SPPL3: variants seen among roughly 807,000 people sequenced by gnomAD.
The protein encoded by SPPL3 is signal peptide peptidase-like 3.
Under a neutral mutation model 42.4 loss-of-function variants are expected in SPPL3, and 5 were observed. That is an observed-to-expected ratio of 0.12 (90% CI 0.06 to 0.25). The LOEUF is 0.25. SPPL3 is among the 10% of genes least tolerant of loss of function. The probability of loss-of-function intolerance (pLI) is 1.00; values close to 1 mark genes in which losing one functional copy is unlikely to be tolerated. For synonymous variants in SPPL3, 195 were observed against 181.8 expected (o/e 1.07, Z -0.58); for missense variants, 235 against 489.0 (o/e 0.48, Z 4.90).
chr12:120,813,552 C>G (rs1870761845), intron 1 of SPPL3, among the ~76,000 whole-genome samples: 1 of 151,932 alleles, frequency 6.6e-6, no homozygotes, highest in South Asian at 2.1e-4. Flanking sequence ...AACTCGTGAC[C>G]TCAAGTGATC....
At chr12:120,863,886 C>T (rs988132949) in intron 1 of SPPL3, among the ~76,000 whole-genome samples, 1 of 151,180 alleles carries the variant, frequency 6.6e-6, no homozygotes, top group African/African-American at 2.4e-5. Context: ...GCTTGCTGCC[C>T]AGGCTGGTTT....
intron 1 of SPPL3, among the ~76,000 whole-genome samples, chr12:120,893,902 C>T (rs1566072032): frequency 6.6e-6 from 1 of 152,300 alleles, no homozygotes; most frequent in East Asian, 1.9e-4. Context: ...CAACTAGTTC[C>T]AGCCAGCCTA....
chr12:120,854,930 A>C (rs1214810596), intron 1 of SPPL3, among the ~76,000 whole-genome samples: 1 of 152,204 alleles, frequency 6.6e-6, no homozygotes, highest in Non-Finnish European at 1.5e-5. Context: ...CACTATTTGG[A>C]CCAAAGAACA....
chr12:120,903,962 G>A lies in SPPL3; in HGVS notation c.-95C>T. On this transcript the variant is annotated 5_prime_UTR_variant, in exon 1 of 11. Coordinates refer to ENST00000353487, the MANE Select transcript of SPPL3 (RefSeq NM_139015.5). ...TAGCTGAAGGCGCGGCCGGGGTCCG[G>A]TGCTTGCTTGCTTGCTCGCTCGCTG... The A allele has an allele frequency of 5.5e-6, 6 of 1,089,120 alleles. No individual in the cohort carries two copies. The highest frequency in any genetic ancestry group is 7.1e-6 in the Non-Finnish European group (6 of 848,736). 67.5% of individuals were successfully genotyped at this position (1,089,120 alleles called of 1,614,324 possible). A position where few individuals can be genotyped will look rare whatever the true frequency, so the allele number is the denominator to read the frequency against.
At chr12:120,841,639 G>A (rs923868332) in intron 1 of SPPL3, among the ~76,000 whole-genome samples, 2 of 152,212 alleles carry the variant, frequency 1.3e-5, no homozygotes, top group Admixed American at 6.5e-5. Context: ...TAAGTCAGAA[G>A]TTCTGGAATA....
intron 1 of SPPL3, among the ~76,000 whole-genome samples, chr12:120,821,196 C>A (rs575363740): frequency 4.6e-5 from 7 of 152,082 alleles, no homozygotes; most frequent in Non-Finnish European, 1.0e-4. Context: ...GATTTATTGC[C>A]GGGGGCGGGG....
At chr12:120,823,665 T>C (rs185532601) in intron 1 of SPPL3, among the ~76,000 whole-genome samples, 1 of 152,314 alleles carries the variant, frequency 6.6e-6, no homozygotes, top group East Asian at 1.9e-4. Flanking sequence ...CTCTCATGCC[T>C]TTGGTTATCA....
chr12:120,773,118 G>C (rs1869182401), intron 6 of SPPL3, among the ~76,000 whole-genome samples: 1 of 152,190 alleles, frequency 6.6e-6, no homozygotes, highest in South Asian at 2.1e-4. Context: ...ACTGAAACAT[G>C]ATGTTTAGGA....
rs1022611344 is a variant in SPPL3, at chr12:120,807,450, C to T, written c.101+3359G>A. On this transcript the variant is annotated intron_variant, in intron 2 of 10. Transcript: ENST00000353487. ...CAGCACTTTGGGAGGCCGAGGCGGG[C>T]AGATCACGAGGTCAGGAGTTCGAGA... Among the ~76,000 whole-genome samples, 6 of 152,046 alleles carry T rather than the reference C, an allele frequency of 3.9e-5. No individual in the cohort carries two copies. The East Asian group carries it at 1.2e-3, about 29-fold the overall frequency.
At chr12:120,779,057 G>T in intron 6 of SPPL3, among the ~76,000 whole-genome samples, 1 of 152,140 alleles carries the variant, frequency 6.6e-6, no homozygotes, top group South Asian at 2.1e-4. Flanking sequence ...CCATATTGCA[G>T]CCTGGACAAC....
At chr12:120,818,123 G>A (rs1870941083) in intron 1 of SPPL3, among the ~76,000 whole-genome samples, 1 of 152,130 alleles carries the variant, frequency 6.6e-6, no homozygotes, top group Non-Finnish European at 1.5e-5. Flanking sequence ...CCCTCCTACT[G>A]AGGTGTCTGT....
At chr12:120,850,861 T>C (rs972540548) in intron 1 of SPPL3, among the ~76,000 whole-genome samples, 1 of 152,208 alleles carries the variant, frequency 6.6e-6, no homozygotes, top group African/African-American at 2.4e-5. Context: ...ACCTCTTGTT[T>C]CCATCGTCAA....
At chr12:120,794,176 T>C (rs1179662662) in intron 2 of SPPL3, among the ~76,000 whole-genome samples, 1 of 152,234 alleles carries the variant, frequency 6.6e-6, no homozygotes, top group Non-Finnish European at 1.5e-5. Flanking sequence ...TATTCTTTAC[T>C]CTGAAAGCTG....
intron 1 of SPPL3, chr12:120,903,579 C>T (rs1874052348): frequency 2.2e-6 from 1 of 446,846 alleles, no homozygotes; most frequent in Non-Finnish European, 4.0e-6. Context: ...TCCCCTTCTC[C>T]ATCACCTGCT....
intron 1 of SPPL3, among the ~76,000 whole-genome samples, chr12:120,898,314 TAAAAAAA>T (rs869283065): frequency 3.1e-5 from 2 of 64,292 alleles, no homozygotes; most frequent in African/African-American, 1.1e-4. Flanking sequence ...TTTTTTTTTT[TAAAAAAA>T]AAAAAAAAAA....
chr12:120,855,851 G>A (rs1285757535), intron 1 of SPPL3, among the ~76,000 whole-genome samples: 1 of 152,136 alleles, frequency 6.6e-6, no homozygotes, highest in African/African-American at 2.4e-5. Context: ...AGCCACATGG[G>A]GTGGTCTCAT....
intron 1 of SPPL3, among the ~76,000 whole-genome samples, chr12:120,879,443 A>C (rs1335487209): frequency 6.6e-6 from 1 of 152,084 alleles, no homozygotes; most frequent in Non-Finnish European, 1.5e-5. Context: ...TTCCCAAAAT[A>C]ATGTTAAAGG....
rs537327599 is a variant in SPPL3 at position 120,892,734 on chromosome 12, G to A, written c.23+11111C>T. Among the ~76,000 whole-genome samples, 7 of 152,200 alleles carry A rather than the reference G, an allele frequency of 4.6e-5. No homozygotes were observed. The East Asian group carries it at 1.4e-3, about 29-fold the overall frequency. On this transcript the variant is annotated intron_variant, in intron 1 of 10. Transcript: ENST00000353487. ...GCGGTGGCTCACGCCTGTAATCCCA[G>A]CACTTTGGGAGACCAAGGCGGGTGC...
At chr12:120,884,240 A>C (rs1873379771) in intron 1 of SPPL3, among the ~76,000 whole-genome samples, 1 of 152,184 alleles carries the variant, frequency 6.6e-6, no homozygotes, top group Admixed American at 6.5e-5. Context: ...GGAGAGTACA[A>C]AGGGGGCTTC....
Sources: allele counts gnomAD v4.1 joint callset (sites outside exome capture counted in the v4.1 genomes callset), GRCh38; gene constraint gnomAD v4.1.1; transcripts MANE v1.5; gene names NCBI Gene and HGNC (gene_info 2026-07-23, HGNC 2026-07-21).